The following STK10 variants were observed in gnomAD, a reference collection of about 807,000 sequenced individuals.
The protein encoded by STK10 is serine/threonine kinase 10, also known as serine/threonine-protein kinase 10.
Under a neutral mutation model 113.8 loss-of-function variants are expected in STK10, and 78 were observed. That is an observed-to-expected ratio of 0.69 (90% CI 0.57 to 0.83). The LOEUF (loss-of-function observed/expected upper bound fraction) is 0.83. STK10 is among the 40% of genes least tolerant of loss of function. The pLI, the probability that STK10 is intolerant of heterozygous loss-of-function variation, is 0.00. For synonymous variants in STK10, 465 were observed against 494.7 expected, an observed-to-expected ratio of 0.94 and a Z score of 0.80; for missense variants, 1,109 against 1,280.1, an observed-to-expected ratio of 0.87 and a Z score of 2.04.
chr5:172,143,099 C>T (rs1056451090), intron 2 of STK10, among the ~76,000 whole-genome samples: 2 of 152,248 alleles, frequency 1.3e-5, no homozygotes, highest in African/African-American at 4.8e-5. Context: ...GGCACTGTCA[C>T]AGCCCCAGCT....
At chr5:172,102,750 G>A (rs1027113804) in intron 7 of STK10, among the ~76,000 whole-genome samples, 6 of 152,130 alleles carry the variant, frequency 3.9e-5, no homozygotes, top group Non-Finnish European at 5.9e-5. Context: ...TAGAGTGGAC[G>A]GGTTTAAGAG....
At chr5:172,112,957 A>T (rs1769272800) in intron 4 of STK10, among the ~76,000 whole-genome samples, 3 of 151,754 alleles carry the variant, frequency 2.0e-5, no homozygotes, top group Admixed American at 2.0e-4. Context: ...CATGTTGGTC[A>T]GGCTGGTCTC....
In STK10 at chr5:172,044,636, G is replaced by C; in HGVS notation, c.*246C>G. The C allele has an allele frequency of 1.7e-6, 1 of 583,452 alleles. No homozygotes were observed. The highest frequency in any genetic ancestry group is 3.0e-6 in the Non-Finnish European group (1 of 332,990). 36.1% of individuals were successfully genotyped at this position (583,452 alleles called of 1,614,324 possible). Reference sequence around the variant, plus strand: ...CCCTTCCAGCTTGAAGGGATCTGGGGCTCAAGGAGAATATACATTAGGTTC... The same window carrying C: ...CCCTTCCAGCTTGAAGGGATCTGGGCCTCAAGGAGAATATACATTAGGTTC... On this transcript the variant is annotated 3_prime_UTR_variant, in exon 19 of 19. Coordinates refer to ENST00000176763, the MANE Select transcript of STK10 (RefSeq NM_005990.4). The surrounding 1 kb of genome is among the most constrained non-coding windows in gnomAD (Gnocchi z 4.5).
chr5:172,096,283 C>A, intron 8 of STK10, 143 bp downstream of exon 8: 1 of 1,326,492 alleles, frequency 7.5e-7, no homozygotes, highest in South Asian at 1.4e-5. Context: ...ACGTTACCTG[C>A]AGCGTGGGAG....
intron 12 of STK10, among the ~76,000 whole-genome samples, chr5:172,066,134 G>C (rs1355172890): frequency 2.0e-5 from 3 of 152,148 alleles, no homozygotes; most frequent in African/African-American, 7.2e-5. Flanking sequence ...TGATCAAAAA[G>C]AGAGCATTCC....
At chr5:172,079,033 A>G (rs537925514) in intron 12 of STK10, among the ~76,000 whole-genome samples, 1 of 152,080 alleles carries the variant, frequency 6.6e-6, no homozygotes, top group African/African-American at 2.4e-5. Context: ...GCATCTACCC[A>G]GCTCTTATTC....
intron 18 of STK10, among the ~76,000 whole-genome samples, chr5:172,050,971 G>A (rs1376663456): frequency 6.6e-6 from 1 of 152,020 alleles, no homozygotes. Context: ...AGCACTTTAG[G>A]AGTGGTGGCG....
At chr5:172,186,363 G>A (rs775887232) in intron 1 of STK10, among the ~76,000 whole-genome samples, 2 of 151,112 alleles carry the variant, frequency 1.3e-5, no homozygotes, top group East Asian at 2.0e-4. Context: ...GTGGCTCACC[G>A]CTGTAATCCC....
At chr5:172,055,441 C>T (rs1388865410) in intron 16 of STK10, 147 bp downstream of exon 16, 10 of 824,396 alleles carry the variant, frequency 1.2e-5, no homozygotes, top group African/African-American at 5.3e-5. Context: ...CCGCCCGCCT[C>T]GGCCTCTCAA....
chr5:172,052,898 A>G (rs1203566546), intron 18 of STK10, 31 bp downstream of exon 18: 1 of 1,609,604 alleles, frequency 6.2e-7, no homozygotes, highest in East Asian at 2.2e-5. Context: ...GCAGAGCCCG[A>G]GACTGAGCCC....
At chr5:172,049,277 A>T (rs888203764) in intron 18 of STK10, among the ~76,000 whole-genome samples, 9 of 152,306 alleles carry the variant, frequency 5.9e-5, no homozygotes, top group African/African-American at 2.2e-4. Context: ...GCTAACGATG[A>T]CACACAAATG....
rs115225973 is a variant in STK10 at position 172,171,261 on chromosome 5, A to G, written c.157-14473T>C. 8.1e-3 allele frequency among the ~76,000 whole-genome samples: 1,227 copies of G among 152,274 alleles called. 24 individuals carry two copies. Among genetic ancestry groups the G allele is most frequent in the African/African-American group, 0.028 (1,150 of 41,538 alleles). On this transcript the variant is annotated intron_variant, in intron 1 of 18. Transcript: ENST00000176763. ...TGGGACGTTCTTGAACTGTTTCCCAATCCCAGCTCTAACACTTCCCAGCTG... is the reference window on the plus strand; with the variant it reads ...TGGGACGTTCTTGAACTGTTTCCCAGTCCCAGCTCTAACACTTCCCAGCTG...
intron 15 of STK10, 77 bp from the exon 16 acceptor site, chr5:172,055,853 A>G (rs2113692595): frequency 7.7e-7 from 1 of 1,290,916 alleles, no homozygotes; most frequent in East Asian, 2.8e-5. Context: ...AAAGGTCCCC[A>G]CACTCCACTC....
chr5:172,083,098 G>A lies in STK10; in HGVS notation c.1686-14C>T, dbSNP rs770877968. 2 of 1,613,728 alleles carry A rather than the reference G, an allele frequency of 1.2e-6. No homozygotes were observed. The highest frequency in any genetic ancestry group is 1.1e-5 in the South Asian group (1 of 91,050). On this transcript the variant is annotated splice_polypyrimidine_tract_variant and intron_variant, in intron 10 of 18. Coordinates refer to ENST00000176763, the MANE Select transcript of STK10 (RefSeq NM_005990.4). ...AGTTCCTGGCGCCTGAAAGGTTAAA[G>A]GATACAGATATTTCACAGTAAGAAA...
intron 15 of STK10, chr5:172,057,131 G>C: frequency 1.8e-6 from 1 of 570,854 alleles, no homozygotes; most frequent in Non-Finnish European, 3.1e-6. Flanking sequence ...TGGGCCATTG[G>C]CTTCCCTGCA....
At chr5:172,071,341 CAAAAA>C (rs58271522) in intron 12 of STK10, among the ~76,000 whole-genome samples, 6 of 53,878 alleles carry the variant, frequency 1.1e-4, no homozygotes, top group South Asian at 1.1e-3. Context: ...GGATAGGTAG[CAAAAA>C]AAAAAAAAAA....
chr5:172,160,792 G>A (rs1252557838), intron 1 of STK10, among the ~76,000 whole-genome samples: 4 of 152,114 alleles, frequency 2.6e-5, no homozygotes, highest in Non-Finnish European at 5.9e-5. Flanking sequence ...TTCCACAGAC[G>A]GACGTGCAAG....
In STK10 at chr5:172,156,606, A is replaced by G. The variant is rs41275267; in HGVS notation, c.321+18T>C. 266,399 of 1,605,164 alleles carry G rather than the reference A, an allele frequency of 0.17. 23,019 individuals carry two copies. The highest frequency in any genetic ancestry group is 0.28 in the East Asian group (12,538 of 44,656). On this transcript the variant is annotated intron_variant, in intron 2 of 18. Transcript: ENST00000176763. Reference sequence around the variant, plus strand: ...GGCCATGGGGGCTGAGCTGGGACAGACAGGGCGGCAGCCTTACCCACAGCT... The same window carrying G: ...GGCCATGGGGGCTGAGCTGGGACAGGCAGGGCGGCAGCCTTACCCACAGCT...
chr5:172,101,340 G>A (rs943744534), intron 7 of STK10, among the ~76,000 whole-genome samples: 4 of 151,920 alleles, frequency 2.6e-5, no homozygotes, highest in Non-Finnish European at 5.9e-5. Context: ...GCGTGGTGGT[G>A]CATGCCTGTA....
Sources: gnomAD v4.1 joint callset for allele counts (sites outside exome capture counted in the v4.1 genomes callset) on GRCh38, gnomAD v4.1.1 for gene constraint, Gnocchi (gnomAD v3.1) non-coding constraint, MANE v1.5 for transcripts, NCBI Gene and HGNC (gene_info 2026-07-23, HGNC 2026-07-21) for gene names.